Variants in AK9 observed in about 807,000 individuals in gnomAD.
AK9 encodes the protein adenylate kinase domain containing 1.
In AK9, 191 loss-of-function variants were observed where a neutral mutation model predicts 239.6. The observed-to-expected ratio is 0.80, with a 90% confidence interval of 0.71 to 0.90. The LOEUF is 0.90. AK9 is among the 40% of genes least tolerant of loss of function. The probability of loss-of-function intolerance (pLI) is 0.00; values close to 1 mark genes in which losing one functional copy is unlikely to be tolerated. For synonymous variants in AK9, 689 were observed against 721.0 expected (o/e 0.96, Z 0.71); for missense variants, 1,995 against 2,214.7 (o/e 0.90, Z 1.99).
intron 8 of AK9, among the ~76,000 whole-genome samples, chr6:109,655,781 G>T (rs1357593375): frequency 6.6e-6 from 1 of 152,178 alleles, no homozygotes; most frequent in Non-Finnish European, 1.5e-5. Context: ...CACTTAAGGA[G>T]TAGTCAAGAT....
Position 109,659,265 on chromosome 6 carries a change from TCTC to T in AK9, c.590_592del (p.Gly197del). 1 of 1,599,630 alleles carries T rather than the reference TCTC, an allele frequency of 6.3e-7. No individual in the cohort carries two copies. Among genetic ancestry groups the T allele is most frequent in the Admixed American group, 1.8e-5 (1 of 56,320 alleles). On this transcript the variant is annotated inframe_deletion, in exon 7 of 41. Coordinates refer to ENST00000424296, the MANE Select transcript of AK9 (RefSeq NM_001145128.3). ...TTGCTCTTCTTCCTCTTCTTCCTCTTCTCCTTTTCCGTCCTTTTGGGCTTCTTT... is the reference window on the plus strand; with the variant it reads ...TTGCTCTTCTTCCTCTTCTTCCTCTTCTTTTCCGTCCTTTTGGGCTTCTTT...
chr6:109,678,370 A>G (rs1772066454), intron 1 of AK9, among the ~76,000 whole-genome samples: 1 of 152,244 alleles, frequency 6.6e-6, no homozygotes, highest in Admixed American at 6.5e-5. Context: ...ACAAAAATAT[A>G]GAAATAGAGA....
intron 1 of AK9, among the ~76,000 whole-genome samples, chr6:109,682,426 C>CAAGAAAAAAAA (rs1772805295): frequency 1.5e-5 from 1 of 68,534 alleles, no homozygotes; most frequent in Non-Finnish European, 2.8e-5. Context: ...GACTCCGTCT[C>CAAGAAAAAAAA]AAAAAAAAAA....
intron 21 of AK9, among the ~76,000 whole-genome samples, chr6:109,565,824 C>T (rs562324192): frequency 5.9e-5 from 9 of 152,142 alleles, no homozygotes; most frequent in South Asian, 2.1e-4. Flanking sequence ...TTCTGCAACA[C>T]GGTGGAAACT....
At chr6:109,516,704 A>T (rs1307389999) in intron 29 of AK9, 62 bp from the exon 30 acceptor site, 40 of 1,367,972 alleles carry the variant, frequency 2.9e-5, no homozygotes, top group Non-Finnish European at 3.8e-5. Context: ...GACACTATTA[A>T]CAAATCATCT....
In AK9 at chr6:109,497,362, ACT is replaced by A. The variant is rs761117338; in HGVS notation, c.5315+101_5315+102del. 4,530 of 488,310 alleles carry A rather than the reference ACT, an allele frequency of 9.3e-3. 36 individuals carry two copies. The highest frequency in any genetic ancestry group is 0.047 in the African/African-American group (1,735 of 36,924). 30.2% of individuals were successfully genotyped at this position (488,310 alleles called of 1,614,324 possible). A position where few individuals can be genotyped will look rare whatever the true frequency, so the allele number is the denominator to read the frequency against. On this transcript the variant is annotated intron_variant, in intron 38 of 40. Transcript: ENST00000424296. Reference sequence around the variant, plus strand: ...CACACACACACACACACACACACACACTCTCTCTCTCTCTCTCTCTCTCACAC... The same window carrying A: ...CACACACACACACACACACACACACACTCTCTCTCTCTCTCTCTCTCACAC...
intron 27 of AK9, among the ~76,000 whole-genome samples, chr6:109,534,595 T>C (rs887353664): frequency 2.0e-5 from 3 of 151,072 alleles, no homozygotes; most frequent in Non-Finnish European, 4.4e-5. Context: ...GGCCATAATA[T>C]ATATATATAT....
chr6:109,543,636 C>T (rs149502485), intron 26 of AK9, among the ~76,000 whole-genome samples: 153 of 151,930 alleles, frequency 1.0e-3, no homozygotes, highest in African/African-American at 3.6e-3. Context: ...TTAGTAGAGA[C>T]GGGGTTTCAC....
intron 29 of AK9, 194 bp downstream of exon 29, chr6:109,528,817 A>AGG: frequency 1.1e-6 from 1 of 898,174 alleles, no homozygotes; most frequent in Non-Finnish European, 1.7e-6. Flanking sequence ...CTGTTACAAG[A>AGG]GTGTCTTAAG....
At chr6:109,535,893 T>G (rs1007884157) in intron 27 of AK9, among the ~76,000 whole-genome samples, 2 of 152,158 alleles carry the variant, frequency 1.3e-5, no homozygotes, top group Non-Finnish European at 2.9e-5. Context: ...TTTTGTCAGG[T>G]TTTTCAAAGA....
chr6:109,549,126 C>T lies in AK9; in HGVS notation c.2964+964G>A, dbSNP rs561700216. Among the ~76,000 whole-genome samples, 278 of 152,236 alleles carry T rather than the reference C, an allele frequency of 1.8e-3. 1 individual carries two copies. Among genetic ancestry groups the T allele is most frequent in the Admixed American group, 3.7e-3 (57 of 15,296 alleles). On this transcript the variant is annotated intron_variant, in intron 25 of 40. Coordinates refer to ENST00000424296, the MANE Select transcript of AK9 (RefSeq NM_001145128.3). The stretch of plus-strand genomic sequence containing the variant: ...TGTCCCTCTCCACTATAACAATGCT[C>T]CACTAAAAAATGACTATTGTATAGC...
chr6:109,637,459 T>A (rs1167217178), intron 10 of AK9, among the ~76,000 whole-genome samples: 1 of 152,214 alleles, frequency 6.6e-6, no homozygotes, highest in African/African-American at 2.4e-5. Flanking sequence ...TGCCTCAGAC[T>A]CCCAAAGTAC....
chr6:109,649,637 A>G (rs970908836), intron 8 of AK9, among the ~76,000 whole-genome samples: 122 of 152,084 alleles, frequency 8.0e-4, no homozygotes, highest in African/African-American at 2.7e-3. Context: ...AACAATCAAT[A>G]TCGTGAAAAT....
intron 26 of AK9, among the ~76,000 whole-genome samples, chr6:109,544,030 G>T (rs927508081): frequency 6.6e-6 from 1 of 151,948 alleles, no homozygotes; most frequent in African/African-American, 2.4e-5. Flanking sequence ...GAGGTGAGAG[G>T]ATCGCTTGAG....
intron 5 of AK9, 63 bp downstream of exon 5, chr6:109,671,856 C>G: frequency 6.8e-7 from 1 of 1,479,374 alleles, no homozygotes; most frequent in Non-Finnish European, 9.3e-7. Flanking sequence ...CTATTTTTGC[C>G]TCAGATAAAG....
chr6:109,516,070 T>C lies in AK9; in HGVS notation c.3852A>G (p.Glu1284=). 6.5e-7 allele frequency: 1 copy of C among 1,546,524 alleles called. No individual in the cohort carries two copies. The highest frequency in any genetic ancestry group is 1.2e-5 in the South Asian group (1 of 83,728). Residue 1284 remains glutamate, a synonymous_variant, in exon 31 of 41, where the codon GAA becomes GAG. Coordinates refer to ENST00000424296, the MANE Select transcript of AK9 (RefSeq NM_001145128.3). Reference sequence around the variant, plus strand: ...TTATTGGTATCAAATACCTCTCAAGTTCATCCTGATAAGAAAAGTCATAAA... The same window carrying C: ...TTATTGGTATCAAATACCTCTCAAGCTCATCCTGATAAGAAAAGTCATAAA... The part of the protein sequence containing the change: ...DTHNLQIIQD[E]LERYLIPIIS...
At chr6:109,548,967 T>C (rs1343456868) in intron 25 of AK9, among the ~76,000 whole-genome samples, 1 of 152,202 alleles carries the variant, frequency 6.6e-6, no homozygotes, top group African/African-American at 2.4e-5. Context: ...GCTTTATTTT[T>C]TTGAGGATCA....
chr6:109,527,536 T>C (rs1431627520), intron 29 of AK9: 3 of 152,182 alleles, frequency 2.0e-5, no homozygotes, highest in Admixed American at 1.3e-4. Context: ...AACTCATCCC[T>C]GAGATGCTAT....
In AK9 at chr6:109,672,155, A is replaced by C. The variant is rs1299215746; in HGVS notation, c.194T>G (p.Leu65Ter). 1 of 1,612,652 alleles carries C rather than the reference A, an allele frequency of 6.2e-7. No individual in the cohort carries two copies. Among genetic ancestry groups the C allele is most frequent in the South Asian group, 1.1e-5 (1 of 90,960 alleles). ...KCIRVEALPI[L>*]EEQIAAETES... The stretch of plus-strand genomic sequence containing the variant: ...GGTTTCAGCAGCAATCTGTTCTTCT[A>C]AAATTGGCAAAGCTAAAACATGAAT... Residue 65 changes from leucine to a stop codon, truncating the protein, a stop_gained, in exon 4 of 41, where the codon TTA becomes TGA. Transcript: ENST00000424296. LOFTEE classifies it high-confidence loss of function.
Sources: allele counts gnomAD v4.1 joint callset (sites outside exome capture counted in the v4.1 genomes callset), GRCh38; gene constraint gnomAD v4.1.1; transcripts MANE v1.5; gene names NCBI Gene and HGNC (gene_info 2026-07-23, HGNC 2026-07-21).